PRKN: variants seen among roughly 807,000 people sequenced by gnomAD.
The protein encoded by PRKN is E3 ubiquitin-protein ligase parkin.
Under a neutral mutation model 59.5 loss-of-function variants are expected in PRKN, and 56 were observed. The observed-to-expected ratio is 0.94, with a 90% CI of 0.76 to 1.18. The LOEUF is 1.18. Ranked by LOEUF, PRKN falls within the 50% of genes most tolerant of loss-of-function variation. The pLI, the probability that PRKN is intolerant of heterozygous loss-of-function variation, is 0.00. For missense variants in PRKN, 657 were observed against 596.4 expected (o/e 1.10, Z -1.06); for synonymous variants, 250 against 222.1 (o/e 1.13, Z -1.12).
chr6:162,615,805 T>C (rs1039303141), intron 1 of PRKN, among the ~76,000 whole-genome samples: 2 of 152,184 alleles, frequency 1.3e-5, no homozygotes, highest in East Asian at 1.9e-4. Flanking sequence ...AAAACCCTAC[T>C]TGTCAGGGGA....
chr6:162,447,618 G>A (rs1481194176), intron 1 of PRKN, among the ~76,000 whole-genome samples: 1 of 152,062 alleles, frequency 6.6e-6, no homozygotes, highest in African/African-American at 2.4e-5. Context: ...GTGGGAAGAG[G>A]GGAAAGGGTT....
rs1247971980 is a variant in PRKN, at chr6:161,362,717, A to G, written c.1168-2512T>C. Among the ~76,000 whole-genome samples the G allele has an allele frequency of 6.6e-6, 1 of 152,250 alleles. No homozygotes were observed. Among genetic ancestry groups the G allele is most frequent in the African/African-American group, 2.4e-5 (1 of 41,470 alleles). On this transcript the variant is annotated intron_variant, in intron 10 of 11. Coordinates refer to ENST00000366898, the MANE Select transcript of PRKN (RefSeq NM_004562.3). This position sits in a 1 kb window ranked among gnomAD's most constrained non-coding sequence, Gnocchi z 5.2. ...TAATTTGAAATATTACCAGATTGGC[A>G]TATACCCTGGAACCAGGCGGAAGCA...
intron 4 of PRKN, among the ~76,000 whole-genome samples, chr6:162,174,470 T>A (rs1182521689): frequency 2.0e-5 from 3 of 152,310 alleles, no homozygotes; most frequent in African/African-American, 7.2e-5. Context: ...AAACGTTTGA[T>A]TTCACTTAAC....
chr6:162,069,288 C>T (rs1778474510), intron 4 of PRKN, among the ~76,000 whole-genome samples: 1 of 152,120 alleles, frequency 6.6e-6, no homozygotes, highest in Non-Finnish European at 1.5e-5. Flanking sequence ...TTTTCTCTTG[C>T]CACCACCATG....
At chr6:162,086,105 T>C (rs1047101755) in intron 4 of PRKN, among the ~76,000 whole-genome samples, 4 of 152,198 alleles carry the variant, frequency 2.6e-5, no homozygotes, top group African/African-American at 9.6e-5. Flanking sequence ...ATTAATGTAC[T>C]AATGCCCTTT....
At position 161,460,916 on chromosome 6, in the gene PRKN, A is replaced by G. The variant is rs1034891520; in HGVS notation, c.1084-74039T>C. ...AGGTACGCACCACCACGCCCAGCTAATTTTTCTTTCTTTTTTTTTTTTAGC... is the reference window on the plus strand; with the variant it reads ...AGGTACGCACCACCACGCCCAGCTAGTTTTTCTTTCTTTTTTTTTTTTAGC... On this transcript the variant is annotated intron_variant, in intron 9 of 11. Transcript: ENST00000366898. The surrounding 1 kb of genome is among the most constrained non-coding windows in gnomAD (Gnocchi z 5.0). 3.3e-5 allele frequency among the ~76,000 whole-genome samples: 5 copies of G among 150,356 alleles called. No homozygotes were observed. The highest frequency in any genetic ancestry group is 7.4e-5 in the African/African-American group (3 of 40,708).
chr6:161,475,980 A>G lies in PRKN; in HGVS notation c.1083+72874T>C, dbSNP rs1243337452. 6.6e-6 allele frequency among the ~76,000 whole-genome samples: 1 copy of G among 152,008 alleles called. No homozygotes were observed. Among genetic ancestry groups the G allele is most frequent in the African/African-American group, 2.4e-5 (1 of 41,406 alleles). On this transcript the variant is annotated intron_variant, in intron 9 of 11. Transcript: ENST00000366898. This position sits in a 1 kb window ranked among gnomAD's most constrained non-coding sequence, Gnocchi z 5.3. ...GGTGGGCGGATCACGAGGTCAGGAGATGGAGACCATCCTGGTTAACACGGT... is the reference window on the plus strand; with the variant it reads ...GGTGGGCGGATCACGAGGTCAGGAGGTGGAGACCATCCTGGTTAACACGGT...
chr6:162,655,706 C>T (rs1285575313), intron 1 of PRKN, among the ~76,000 whole-genome samples: 1 of 152,116 alleles, frequency 6.6e-6, no homozygotes, highest in Non-Finnish European at 1.5e-5. Flanking sequence ...GATAGATATA[C>T]AGAAAATGAG....
rs537376599 is a variant in PRKN at position 161,376,482 on chromosome 6, A to G, written c.1167+10312T>C. Among the ~76,000 whole-genome samples the G allele has an allele frequency of 6.6e-6, 1 of 152,272 alleles. No individual in the cohort carries two copies. Among genetic ancestry groups the G allele is most frequent in the East Asian group, 1.9e-4 (1 of 5,178 alleles). The stretch of plus-strand genomic sequence containing the variant: ...CCCGTCTCCTCTCATCCTGTCTTCT[A>G]ATCCACTGCCAAGTTCTGCAGATCC... On this transcript the variant is annotated intron_variant, in intron 10 of 11. Coordinates refer to ENST00000366898, the MANE Select transcript of PRKN (RefSeq NM_004562.3). The surrounding 1 kb of genome is among the most constrained non-coding windows in gnomAD (Gnocchi z 7.3).
At chr6:161,663,959 G>A (rs1251045071) in intron 7 of PRKN, among the ~76,000 whole-genome samples, 1 of 152,188 alleles carries the variant, frequency 6.6e-6, no homozygotes, top group Non-Finnish European at 1.5e-5. Flanking sequence ...GAACCCTGAG[G>A]TCAAAACAGT....
At chr6:162,386,255 T>G (rs1399289792) in intron 2 of PRKN, among the ~76,000 whole-genome samples, 1 of 152,196 alleles carries the variant, frequency 6.6e-6, no homozygotes, top group East Asian at 1.9e-4. Flanking sequence ...TTTGATAATT[T>G]GCTAAATTTA....
At chr6:162,667,665 T>C (rs1779152191) in intron 1 of PRKN, among the ~76,000 whole-genome samples, 1 of 152,084 alleles carries the variant, frequency 6.6e-6, no homozygotes, top group South Asian at 2.1e-4. Flanking sequence ...TCCCTCTTTC[T>C]CACTTTTCTA....
intron 1 of PRKN, among the ~76,000 whole-genome samples, chr6:162,578,059 G>C (rs1780632983): frequency 6.6e-6 from 1 of 152,110 alleles, no homozygotes; most frequent in Non-Finnish European, 1.5e-5. Context: ...CTGATGACGG[G>C]AACATAAAAA....
intron 3 of PRKN, among the ~76,000 whole-genome samples, chr6:162,212,989 T>C (rs1777455552): frequency 6.6e-6 from 1 of 152,202 alleles, no homozygotes; most frequent in Admixed American, 6.5e-5. Context: ...GCCATTGTTA[T>C]ATATGTGGTC....
chr6:161,829,484 C>T (rs531181058), intron 6 of PRKN, among the ~76,000 whole-genome samples: 4 of 152,068 alleles, frequency 2.6e-5, no homozygotes, highest in East Asian at 1.9e-4. Flanking sequence ...GTGCTCCCTG[C>T]GGTCTGAGGA....
At position 161,874,387 on chromosome 6, in the gene PRKN, ATAT is replaced by A. The variant is rs1362039832; in HGVS notation, c.735-88482_735-88480del. 5.6e-5 allele frequency among the ~76,000 whole-genome samples: 5 copies of A among 88,986 alleles called. No individual in the cohort carries two copies. In the East Asian group the frequency reaches 1.6e-3, roughly 28 times the overall value. The allele number at this position is 88,986 out of a possible 152,430, so 58.4% of individuals were successfully genotyped here. ...ATGTAAAATATTATATATAAAATATATATTATATGTAAAATATTATATATAAAA... is the reference window on the plus strand; with the variant it reads ...ATGTAAAATATTATATATAAAATATATATATGTAAAATATTATATATAAAA... On this transcript the variant is annotated intron_variant, in intron 6 of 11. Transcript: ENST00000366898.
At chr6:161,762,658 G>A (rs1583124166) in intron 7 of PRKN, among the ~76,000 whole-genome samples, 1 of 152,182 alleles carries the variant, frequency 6.6e-6, no homozygotes, top group East Asian at 1.9e-4. Flanking sequence ...GTGGCCACAT[G>A]TGAAGTTTGG....
intron 7 of PRKN, among the ~76,000 whole-genome samples, chr6:161,683,258 C>A (rs552868753): frequency 6.6e-6 from 1 of 152,252 alleles, no homozygotes; most frequent in South Asian, 2.1e-4. Flanking sequence ...CTGACAGCAG[C>A]CCACTGATTG....
Position 161,386,898 on chromosome 6 carries a change from A to G in PRKN, c.1084-21T>C, listed in dbSNP as rs200194930. 6 of 1,596,896 alleles carry G rather than the reference A, an allele frequency of 3.8e-6. No individual in the cohort carries two copies. In the African/African-American group the frequency reaches 8.0e-5, roughly 21 times the overall value. On this transcript the variant is annotated intron_variant, in intron 9 of 11. Coordinates refer to ENST00000366898, the MANE Select transcript of PRKN (RefSeq NM_004562.3). The surrounding 1 kb of genome is among the most constrained non-coding windows in gnomAD (Gnocchi z 4.3). ...GCAAACTGCAAAAGAACACACATCC[A>G]TTAATTAGGGACATTAGGTTGCATT...
Sources: gnomAD v4.1 joint callset for allele counts (sites outside exome capture counted in the v4.1 genomes callset) on GRCh38, gnomAD v4.1.1 for gene constraint, Gnocchi (gnomAD v3.1) non-coding constraint, MANE v1.5 for transcripts, NCBI Gene and HGNC (gene_info 2026-07-23, HGNC 2026-07-21) for gene names.